Variants in CFAP46 observed in about 807,000 individuals in gnomAD.
CFAP46 encodes the protein cilia and flagella associated protein 46.
CFAP46 carries 245 observed loss-of-function variants against 325.7 expected under a neutral mutation model. The ratio of observed to expected loss-of-function variants is 0.75; its 90% CI spans 0.68 to 0.84. CFAP46 has a LOEUF of 0.84. Ranked by LOEUF, CFAP46 falls within the 40% of genes least tolerant of loss-of-function variation. The probability of loss-of-function intolerance (pLI) is 0.00; values close to 1 mark genes in which losing one functional copy is unlikely to be tolerated. For synonymous variants in CFAP46, 1,523 were observed against 1,495.9 expected (o/e 1.02, Z -0.42); for missense variants, 3,346 against 3,543.0 (o/e 0.94, Z 1.41).
At chr10:132,854,781 G>A (rs1169632659) in intron 39 of CFAP46, among the ~76,000 whole-genome samples, 1 of 152,058 alleles carries the variant, frequency 6.6e-6, no homozygotes, top group Non-Finnish European at 1.5e-5. Flanking sequence ...CACTCCAAAA[G>A]GAAACCCCTC....
At chr10:132,915,690 C>T (rs1849627430) in intron 17 of CFAP46, among the ~76,000 whole-genome samples, 1 of 152,268 alleles carries the variant, frequency 6.6e-6, no homozygotes, top group Non-Finnish European at 1.5e-5. Flanking sequence ...CCCGAGCTTA[C>T]CACGTTCGTG....
chr10:132,941,006 C>T lies in CFAP46; in HGVS notation c.361G>A (p.Gly121Arg). ...TTCAATTTTGCCTACCTCGGTTCTC[C>T]TTTGGCAAAGTTTATGGCCTTCATG... is the stretch of plus-strand genomic sequence containing the variant. ...EYMKAINFAK[G>R]EPRYYFLVYN... Residue 121 changes from glycine (G) to arginine (R), a missense_variant, in exon 4 of 58, where the codon GGA becomes AGA. Coordinates refer to ENST00000368586, the MANE Select transcript of CFAP46 (RefSeq NM_001200049.3). 6.2e-7 allele frequency: 1 copy of T among 1,614,206 alleles called. No homozygotes were observed.
In CFAP46 at chr10:132,860,563, C is replaced by T. The variant is rs781124495; in HGVS notation, c.5092-40G>A. 12 of 1,444,676 alleles carry T rather than the reference C, an allele frequency of 8.3e-6. No individual in the cohort carries two copies. In the East Asian group the frequency reaches 2.2e-4, roughly 27 times the overall value. The allele number at this position is 1,444,676 out of a possible 1,614,324, so 89.5% of individuals were successfully genotyped here. On this transcript the variant is annotated intron_variant, in intron 36 of 57. Transcript: ENST00000368586. ...GGGTGGATACGGGTGTGTCTGAGGA[C>T]AGGCAGGCATGGATACAGGCCTGAG...
chr10:132,883,683 C>T (rs188392041), intron 27 of CFAP46, among the ~76,000 whole-genome samples: 441 of 152,366 alleles, frequency 2.9e-3, no homozygotes, highest in Middle Eastern at 0.01. Flanking sequence ...CACAGCATTC[C>T]TCACAGCAGG....
rs555660910 is a variant in CFAP46 at position 132,877,332 on chromosome 10, C to T, written c.4213-371G>A. The stretch of plus-strand genomic sequence containing the variant: ...CCCATGAACTCAGCAGTGCTCGTGC[C>T]GGGGTCCAGGTGTGAGCGTCCTGCT... On this transcript the variant is annotated intron_variant, in intron 30 of 57. Transcript: ENST00000368586. The surrounding 1 kb of genome is among the most constrained non-coding windows in gnomAD (Gnocchi z 5.7). 1.8e-4 allele frequency among the ~76,000 whole-genome samples: 28 copies of T among 152,020 alleles called. No homozygotes were observed. Among genetic ancestry groups the T allele is most frequent in the African/African-American group, 2.9e-4 (12 of 41,394 alleles).
At chr10:132,850,493 G>A in intron 40 of CFAP46, 61 bp from the exon 41 acceptor site, 8 of 1,457,030 alleles carry the variant, frequency 5.5e-6, no homozygotes, top group Non-Finnish European at 7.3e-6. Context: ...CCCTGCCCAG[G>A]GGACCCAGTG....
Position 132,852,253 on chromosome 10 carries a change from GTGGTA to G in CFAP46, c.5575-953_5575-949del, listed in dbSNP as rs1564778545. 2.0e-5 allele frequency among the ~76,000 whole-genome samples: 3 copies of G among 151,250 alleles called. No homozygotes were observed. In the South Asian group the frequency reaches 6.3e-4, roughly 32 times the overall value. On this transcript the variant is annotated intron_variant, in intron 39 of 57. Transcript: ENST00000368586. Reference sequence around the variant, plus strand: ...AATTCTCAGATCCCAATCCACAGACGTGGTATGTTCCTCCATTTACTTAGACATTC... The same window carrying G: ...AATTCTCAGATCCCAATCCACAGACGTGTTCCTCCATTTACTTAGACATTC...
rs921520417 is a variant in CFAP46, at chr10:132,922,193, C to G, written c.1517G>C (p.Arg506Thr). 2 of 1,550,526 alleles carry G rather than the reference C, an allele frequency of 1.3e-6. No individual in the cohort carries two copies. The highest frequency in any genetic ancestry group is 1.7e-6 in the Non-Finnish European group (2 of 1,146,924). Residue 506 changes from arginine (R) to threonine (T), a missense_variant, in exon 13 of 58, where the codon AGG becomes ACG. Physicochemically the swap from Arg to Thr is moderately conservative, Grantham distance 71. Coordinates refer to ENST00000368586, the MANE Select transcript of CFAP46 (RefSeq NM_001200049.3). ...AKKATPKDSV[R>T]KKRALLVNAG... ...ATTCACCAGGAGGGCCCGCTTCTTC[C>G]TGACGCTGTCCTTTGGTGTAGCTTT...
rs11146570 is a variant in CFAP46 at position 132,896,230 on chromosome 10, A to G, written c.3219+2729T>C. Among the ~76,000 whole-genome samples the G allele has an allele frequency of 1.9e-3, 181 of 93,368 alleles. 8 individuals are homozygous for G. The highest frequency in any genetic ancestry group is 5.8e-3 in the South Asian group (16 of 2,760). 61.3% of individuals were successfully genotyped at this position (93,368 alleles called of 152,430 possible). A position where few individuals can be genotyped will look rare whatever the true frequency, so the allele number is the denominator to read the frequency against. ...CTAGGCTCTGTGTGCCATGAGACAC[A>G]GTGAGAAGGCAGCCAGGCTGTGTGT... On this transcript the variant is annotated intron_variant, in intron 24 of 57. Coordinates refer to ENST00000368586, the MANE Select transcript of CFAP46 (RefSeq NM_001200049.3).
intron 27 of CFAP46, among the ~76,000 whole-genome samples, chr10:132,883,379 C>T (rs937322082): frequency 1.3e-5 from 2 of 152,254 alleles, no homozygotes; most frequent in African/African-American, 4.8e-5. Flanking sequence ...GGAATATGCA[C>T]CCCATCATCA....
At chr10:132,931,479 C>T (rs903874555) in intron 8 of CFAP46, among the ~76,000 whole-genome samples, 2 of 146,802 alleles carry the variant, frequency 1.4e-5, no homozygotes, top group Non-Finnish European at 3.0e-5. Flanking sequence ...AGAGCCTGGG[C>T]CTTCCTCCTC....
In CFAP46 at chr10:132,814,847, C is replaced by T; in HGVS notation, c.7185G>A (p.Arg2395=). The stretch of plus-strand genomic sequence containing the variant: ...CCTATCACAGGCCCCCACCCACCTT[C>T]CTGCCCTTCTTCGCTAGGCTTCTCT... The part of the protein sequence containing the change: ...PKKRSLAKKG[R]KGSIPRTIPP... Residue 2395 remains arginine (R), a synonymous_variant, in exon 51 of 58, where the codon AGG becomes AGA. Transcript: ENST00000368586. 1 of 1,614,238 alleles carries T rather than the reference C, an allele frequency of 6.2e-7. No homozygotes were observed. The highest frequency in any genetic ancestry group is 8.5e-7 in the Non-Finnish European group (1 of 1,180,024).
In CFAP46 at chr10:132,877,609, T is replaced by C. The variant is rs1471091294; in HGVS notation, c.4212+272A>G. Among the ~76,000 whole-genome samples the C allele has an allele frequency of 6.6e-6, 1 of 152,034 alleles. No individual in the cohort carries two copies. Among genetic ancestry groups the C allele is most frequent in the African/African-American group, 2.4e-5 (1 of 41,378 alleles). ...TCCTGCCAGGGACAAGCCAGGGTGC[T>C]TTACAGACATTCCCCTGTATTGTCC... On this transcript the variant is annotated intron_variant, in intron 30 of 57. Coordinates refer to ENST00000368586, the MANE Select transcript of CFAP46 (RefSeq NM_001200049.3). The surrounding 1 kb of genome is among the most constrained non-coding windows in gnomAD (Gnocchi z 5.7).
Position 132,922,211 on chromosome 10 carries a change from G to A in CFAP46, c.1499C>T (p.Thr500Ile), listed in dbSNP as rs1415871636. 4 of 1,549,992 alleles carry A rather than the reference G, an allele frequency of 2.6e-6. No homozygotes were observed. The highest frequency in any genetic ancestry group is 3.5e-6 in the Non-Finnish European group (4 of 1,146,674). Residue 500 changes from threonine (T) to isoleucine (I), a missense_variant, in exon 13 of 58, where the codon ACA becomes ATA. Transcript: ENST00000368586. ...IMAVEQAKKA[T>I]PKDSVRKKRA... ...CTTCTTCCTGACGCTGTCCTTTGGT[G>A]TAGCTTTTTTTGCCTGTGAAAAGCA...
intron 10 of CFAP46, among the ~76,000 whole-genome samples, chr10:132,925,865 C>G (rs1014984980): frequency 6.6e-6 from 1 of 152,336 alleles, no homozygotes; most frequent in Admixed American, 6.5e-5. Context: ...CTGACCCGCA[C>G]GCCCCTGGCT....
At chr10:132,879,912 C>T (rs1332662408) in intron 28 of CFAP46, among the ~76,000 whole-genome samples, 1 of 152,132 alleles carries the variant, frequency 6.6e-6, no homozygotes, top group African/African-American at 2.4e-5. Context: ...CCCTGTGTGT[C>T]CTGGAAGCCT....
chr10:132,872,615 A>G (rs1848908858), intron 32 of CFAP46, 61 bp downstream of exon 32: 21 of 1,530,570 alleles, frequency 1.4e-5, no homozygotes, highest in African/African-American at 2.8e-5. Context: ...ATACCTTAAC[A>G]TGTTGTTTAT....
intron 8 of CFAP46, among the ~76,000 whole-genome samples, chr10:132,931,049 C>T (rs1849891665): frequency 8.5e-6 from 1 of 117,144 alleles, no homozygotes; most frequent in Non-Finnish European, 1.8e-5. Flanking sequence ...ACACTCCCCA[C>T]ACAGAGCCTG....
chr10:132,864,586 T>C lies in CFAP46; in HGVS notation c.4890+1439A>G, dbSNP rs61862304. Among the ~76,000 whole-genome samples the C allele has an allele frequency of 5.2e-4, 50 of 95,886 alleles. 1 individual carries two copies. The highest frequency in any genetic ancestry group is 8.5e-3 in the Middle Eastern group (1 of 118). The allele number at this position is 95,886 out of a possible 152,430, so 62.9% of individuals were successfully genotyped here. ...ACCTGCAAACATCTGTCCCCCTGCC[T>C]GAGACCTGCACACACCTGCCCTCAG... On this transcript the variant is annotated intron_variant, in intron 35 of 57. Coordinates refer to ENST00000368586, the MANE Select transcript of CFAP46 (RefSeq NM_001200049.3).
Sources: gnomAD v4.1 joint callset for allele counts (sites outside exome capture counted in the v4.1 genomes callset) on GRCh38, gnomAD v4.1.1 for gene constraint, Gnocchi (gnomAD v3.1) non-coding constraint, MANE v1.5 for transcripts, NCBI Gene and HGNC (gene_info 2026-07-23, HGNC 2026-07-21) for gene names.